RP1L1: variants seen among roughly 807,000 people sequenced by gnomAD.
The protein encoded by RP1L1 is retinitis pigmentosa 1-like 1 protein.
A neutral mutation model predicts 15.7 loss-of-function variants in RP1L1; 27 were observed. The ratio of observed to expected loss-of-function variants is 1.72; its 90% CI spans 1.27 to 2.38. RP1L1 has a LOEUF of 2.38. RP1L1 is among the 30% of genes most tolerant of loss of function. RP1L1 has a pLI of 0.00. For missense variants in RP1L1, 4,798 were observed against 3,075.9 expected, an observed-to-expected ratio of 1.56 and a Z score of -13.24; for synonymous variants, 1,813 against 1,276.7, an observed-to-expected ratio of 1.42 and a Z score of -8.96.
Position 10,611,451 on chromosome 8 carries a change from C to G in RP1L1, c.2647G>C (p.Gly883Arg), listed in dbSNP as rs568322195. The change falls in exon 4 of 4, where the codon GGG becomes CGG. Residue 883 changes from glycine (G) to arginine (R), a missense_variant. Gly to Arg is a moderately radical substitution (Grantham distance 125). Transcript: ENST00000382483. ...TGSSHQSTAR[G>R]PGGSPQEGTR... ...CCCTCCTGCGGGCTCCCACCTGGCC[C>G]CCGGGCAGTGCTTTGGTGGCTGCTG... is the stretch of plus-strand genomic sequence containing the variant. 5 of 1,571,140 alleles carry G rather than the reference C, an allele frequency of 3.2e-6. No homozygotes were observed. Among genetic ancestry groups the G allele is most frequent in the African/African-American group, 1.3e-5 (1 of 74,294 alleles).
At chr8:10,618,031 A>G (rs1431511739) in intron 2 of RP1L1, among the ~76,000 whole-genome samples, 1 of 152,148 alleles carries the variant, frequency 6.6e-6, no homozygotes, top group Admixed American at 6.6e-5. Flanking sequence ...GCATCCTTGC[A>G]TTACGTTGTA....
Position 10,611,604 on chromosome 8 carries a change from G to A in RP1L1, c.2494C>T (p.Gln832Ter), listed in dbSNP as rs759679455. 2.5e-6 allele frequency: 4 copies of A among 1,612,398 alleles called. No homozygotes were observed. Among genetic ancestry groups the A allele is most frequent in the African/African-American group, 2.7e-5 (2 of 75,058 alleles). The part of the protein sequence containing the change: ...RSHCCSQPGT[Q>*]PAQEAQRGPS... ...CCCCGCTGGGCCTCTTGGGCCGGCT[G>A]CGTCCCAGGCTGTGAGCAGCAGTGG... is the stretch of plus-strand genomic sequence containing the variant. The change falls in exon 4 of 4, where the codon CAG becomes TAG. Residue 832 changes from glutamine (Q) to a stop codon, truncating the protein, a stop_gained. Coordinates refer to ENST00000382483, the MANE Select transcript of RP1L1 (RefSeq NM_178857.6). LOFTEE classifies it low-confidence loss of function (END_TRUNC).
At chr8:10,618,372 G>C (rs1457978507) in intron 2 of RP1L1, among the ~76,000 whole-genome samples, 1 of 152,142 alleles carries the variant, frequency 6.6e-6, no homozygotes, top group Non-Finnish European at 1.5e-5. Flanking sequence ...CTTGAGCGTG[G>C]TGGTAGACGC....
chr8:10,624,409 C>G (rs977976214), intron 1 of RP1L1, among the ~76,000 whole-genome samples: 1 of 152,208 alleles, frequency 6.6e-6, no homozygotes, highest in Non-Finnish European at 1.5e-5. Flanking sequence ...ACAATATACA[C>G]TGGGTGTGAC....
At position 10,622,987 on chromosome 8, in the gene RP1L1, ACGCGC is replaced by A; in HGVS notation, c.210_214del (p.Gln70HisfsTer18). ...AGAGCGCACCCCAAAGGAGAGAGGC[ACGCGC>A]TGGGAGAGCTCGTCCATGAGGGCGC... On this transcript the variant is annotated frameshift_variant, in exon 2 of 4. Coordinates refer to ENST00000382483, the MANE Select transcript of RP1L1 (RefSeq NM_178857.6). LOFTEE classifies it high-confidence loss of function. 1 of 1,614,124 alleles carries A rather than the reference ACGCGC, an allele frequency of 6.2e-7. No individual in the cohort carries two copies. Among genetic ancestry groups the A allele is most frequent in the Admixed American group, 1.7e-5 (1 of 60,020 alleles).
intron 1 of RP1L1, among the ~76,000 whole-genome samples, chr8:10,626,442 C>A (rs1477569504): frequency 6.6e-6 from 1 of 152,102 alleles, no homozygotes; most frequent in Non-Finnish European, 1.5e-5. Flanking sequence ...GGGCATGCAG[C>A]CCCCGGAGAG....
rs201802314 is a variant in RP1L1, at chr8:10,609,309, C to T, written c.4789G>A (p.Gly1597Arg). The T allele has an allele frequency of 1.3e-4, 203 of 1,611,438 alleles. 1 individual carries two copies. The African/African-American group carries it at 1.7e-3, about 13-fold the overall frequency. The stretch of plus-strand genomic sequence containing the variant: ...TGCTGGGTCTGCAGGAGCAGCTCCC[C>T]GGTGAGGGCCTCCCTTGGAGGCTCC... Reference protein sequence around the residue: ...VLEPPREALTGELLLQTQQRR... With the variant: ...VLEPPREALTRELLLQTQQRR... Residue 1597 changes from glycine (G) to arginine (R), a missense_variant, in exon 4 of 4, where the codon GGG becomes AGG. Coordinates refer to ENST00000382483, the MANE Select transcript of RP1L1 (RefSeq NM_178857.6).
intron 1 of RP1L1, among the ~76,000 whole-genome samples, chr8:10,645,292 A>G (rs1406322548): frequency 6.6e-6 from 1 of 152,186 alleles, no homozygotes; most frequent in African/African-American, 2.4e-5. Flanking sequence ...GCCCCACTGC[A>G]CTCCAGACTG....
chr8:10,614,309 G>T (rs1797929076), intron 3 of RP1L1, among the ~76,000 whole-genome samples: 1 of 152,186 alleles, frequency 6.6e-6, no homozygotes, highest in South Asian at 2.1e-4. Context: ...AGTCAAGCCT[G>T]CACCCCAGCC....
At chr8:10,631,297 ACACG>A in intron 1 of RP1L1, among the ~76,000 whole-genome samples, 1 of 132,936 alleles carries the variant, frequency 7.5e-6, no homozygotes, top group African/African-American at 2.6e-5. Flanking sequence ...ACGCACACAA[ACACG>A]CATGCACACA....
In RP1L1 at chr8:10,610,234, G is replaced by A; in HGVS notation, c.3864C>T (p.Asn1288=). Residue 1288 remains asparagine, a synonymous_variant, in exon 4 of 4, where the codon AAC becomes AAT. Coordinates refer to ENST00000382483, the MANE Select transcript of RP1L1 (RefSeq NM_178857.6). ...CTGTGTTTTCAGCTAACTGCTCCAG[G>A]TTCGAGCTCGCCCTCTGCTCCTCAC... is the stretch of plus-strand genomic sequence containing the variant. ...RDSEEQRASS[N]LEQLAENTVQ... 6.2e-7 allele frequency: 1 copy of A among 1,609,542 alleles called. No individual in the cohort carries two copies.
intron 1 of RP1L1, among the ~76,000 whole-genome samples, chr8:10,633,165 G>C (rs1209159481): frequency 1.3e-5 from 2 of 152,216 alleles, no homozygotes; most frequent in Non-Finnish European, 2.9e-5. Context: ...CTGGCCAGTG[G>C]GAGCTAGAGC....
In RP1L1 at chr8:10,611,306, C is replaced by T. The variant is rs763665045; in HGVS notation, c.2792G>A (p.Gly931Glu). ...GLSEEKTLRS[G>E]GGPQGQEEAS... is the part of the protein sequence containing the mutation. The stretch of plus-strand genomic sequence containing the variant: ...CTCCTCCTGCCCCTGGGGGCCTCCC[C>T]CACTCCTCAAGGTCTTCTCCTCGGA... Residue 931 changes from glycine to glutamate, a missense_variant, in exon 4 of 4, where the codon GGG (glycine) becomes GAG (glutamate). Gly to Glu is a moderately conservative substitution (Grantham distance 98, BLOSUM62 -2). Coordinates refer to ENST00000382483, the MANE Select transcript of RP1L1 (RefSeq NM_178857.6). 1 of 1,612,884 alleles carries T rather than the reference C, an allele frequency of 6.2e-7. No homozygotes were observed. Among genetic ancestry groups the T allele is most frequent in the Admixed American group, 1.7e-5 (1 of 60,010 alleles).
intron 1 of RP1L1, among the ~76,000 whole-genome samples, chr8:10,647,742 T>A (rs989928317): frequency 1.3e-5 from 2 of 152,250 alleles, no homozygotes; most frequent in African/African-American, 2.4e-5. Flanking sequence ...CATTCACTTA[T>A]TGATGAATCC....
At chr8:10,613,744 T>C (rs1242729170) in intron 3 of RP1L1, among the ~76,000 whole-genome samples, 9 of 151,488 alleles carry the variant, frequency 5.9e-5, no homozygotes, top group Non-Finnish European at 8.8e-5. Flanking sequence ...CAGTGAGCTA[T>C]GCACCACTGC....
chr8:10,638,367 CAAG>C (rs1000651872), intron 1 of RP1L1, among the ~76,000 whole-genome samples: 2 of 152,004 alleles, frequency 1.3e-5, no homozygotes, highest in Admixed American at 6.6e-5. Flanking sequence ...GCTGGGGACT[CAAG>C]GAGGAATTCG....
chr8:10,611,186 A>G lies in RP1L1; in HGVS notation c.2912T>C (p.Met971Thr), dbSNP rs772817850. ...LDNIPEEPIL[M>T]TYELADETTG... ...GGTCTCGTCCGCCAACTCATATGTC[A>G]TGAGTATGGGCTCTTCTGGAATGTT... is the stretch of plus-strand genomic sequence containing the variant. The change falls in exon 4 of 4, where the codon ATG becomes ACG. Residue 971 changes from methionine to threonine, a missense_variant. Transcript: ENST00000382483. The G allele has an allele frequency of 1.2e-6, 2 of 1,612,752 alleles. No homozygotes were observed. Among genetic ancestry groups the G allele is most frequent in the African/African-American group, 1.3e-5 (1 of 74,882 alleles).
At chr8:10,649,607 G>A (rs908400174) in intron 1 of RP1L1, among the ~76,000 whole-genome samples, 4 of 152,150 alleles carry the variant, frequency 2.6e-5, no homozygotes, top group South Asian at 2.1e-4. Flanking sequence ...GGCCAGGTGC[G>A]GTGGCTCATG....
rs767595686 is a variant in RP1L1, at chr8:10,611,437, G to A, written c.2661C>T (p.Ser887=). Residue 887 remains serine (S), a synonymous_variant, in exon 4 of 4, where the codon AGC becomes AGT. Coordinates refer to ENST00000382483, the MANE Select transcript of RP1L1 (RefSeq NM_178857.6). ...HQSTARGPGG[S]PQEGTRQPGP... ...CTGGCTGGCGTGTCCCCTCCTGCGG[G>A]CTCCCACCTGGCCCCCGGGCAGTGC... 5 of 1,575,122 alleles carry A rather than the reference G, an allele frequency of 3.2e-6. No homozygotes were observed. Among genetic ancestry groups the A allele is most frequent in the Admixed American group, 1.8e-5 (1 of 54,176 alleles).
Sources: allele counts gnomAD v4.1 joint callset (sites outside exome capture counted in the v4.1 genomes callset), GRCh38; gene constraint gnomAD v4.1.1; transcripts MANE v1.5; gene names NCBI Gene and HGNC (gene_info 2026-07-23, HGNC 2026-07-21).